DCN: variants seen among roughly 807,000 people sequenced by gnomAD.
DCN encodes bone proteoglycan II.
A neutral mutation model predicts 36.5 loss-of-function variants in DCN; 17 were observed. The ratio of observed to expected loss-of-function variants is 0.47; its 90% CI spans 0.32 to 0.70. The LOEUF is 0.70. Among genes scored for constraint, DCN ranks in the 30% least tolerant of loss-of-function variants. DCN has a pLI of 0.04. For missense variants in DCN, 389 were observed against 430.1 expected (o/e 0.90, Z 0.84); for synonymous variants, 163 against 161.4 (o/e 1.01, Z -0.07).
At chr12:91,177,000 A>G (rs1883335091) in intron 2 of DCN, 1 of 152,436 alleles carries the variant, frequency 6.6e-6, no homozygotes, top group South Asian at 2.1e-4. Context: ...TTCAAAAAGT[A>G]ATAGTCACCA....
chr12:91,155,685 T>C (rs1035948441), intron 5 of DCN, among the ~76,000 whole-genome samples: 5 of 152,158 alleles, frequency 3.3e-5, no homozygotes, highest in Admixed American at 6.5e-5. Context: ...ATCTGAGATA[T>C]AAATATTTCA....
rs771673142 is a variant in DCN, at chr12:91,157,115, G to A, written c.612C>T (p.Tyr204=). Residue 204 remains tyrosine, a synonymous_variant, in exon 5 of 8, where the codon TAC becomes TAT. Coordinates refer to ENST00000052754, the MANE Select transcript of DCN (RefSeq NM_001920.5). ...TGATATTGGTATCAGCAATGCGGATGTAGGAGAGCTTCTTCATTCCCTGGA... is the reference window on the plus strand; with the variant it reads ...TGATATTGGTATCAGCAATGCGGATATAGGAGAGCTTCTTCATTCCCTGGA... ...GAFQGMKKLS[Y]IRIADTNITS... 6.2e-7 allele frequency: 1 copy of A among 1,613,020 alleles called. No individual in the cohort carries two copies. Among genetic ancestry groups the A allele is most frequent in the Admixed American group, 1.7e-5 (1 of 60,002 alleles).
intron 7 of DCN, among the ~76,000 whole-genome samples, chr12:91,149,140 A>T (rs1044277537): frequency 2.0e-5 from 3 of 149,736 alleles, no homozygotes; most frequent in Non-Finnish European, 4.4e-5. Context: ...AATTCATCAT[A>T]AGAAAAAAAA....
chr12:91,156,622 GA>G (rs35872055), intron 5 of DCN, among the ~76,000 whole-genome samples: 35,304 of 149,132 alleles, frequency 0.24, 5,227 homozygotes, highest in Non-Finnish European at 0.32. Flanking sequence ...TCTTAAAAAG[GA>G]AAAAAAAATT....
chr12:91,181,833 G>A (rs974114406), intron 1 of DCN, among the ~76,000 whole-genome samples: 4 of 151,672 alleles, frequency 2.6e-5, no homozygotes, highest in Admixed American at 6.6e-5. Context: ...GAATAAAGGC[G>A]GCATTTATCC....
At chr12:91,167,530 C>T (rs1882654697) in intron 2 of DCN, among the ~76,000 whole-genome samples, 2 of 151,888 alleles carry the variant, frequency 1.3e-5, no homozygotes, top group South Asian at 4.1e-4. Flanking sequence ...CCATTTCCTG[C>T]CTTCACTTCC....
Position 91,151,557 on chromosome 12 carries a change from A to G in DCN, c.885+97T>C, listed in dbSNP as rs750953318. On this transcript the variant is annotated intron_variant, in intron 7 of 7. Coordinates refer to ENST00000052754, the MANE Select transcript of DCN (RefSeq NM_001920.5). ...CTAACTAAGACACTCTGGAAAAAAA[A>G]CTTCTAAGAAGAGCTTCCTGCTTCC... 13 of 1,443,556 alleles carry G rather than the reference A, an allele frequency of 9.0e-6. No individual in the cohort carries two copies. The South Asian group carries it at 9.5e-5, about 11-fold the overall frequency. The allele number at this position is 1,443,556 out of a possible 1,614,324, so 89.4% of individuals were successfully genotyped here. A position where few individuals can be genotyped will look rare whatever the true frequency, so the allele number is the denominator to read the frequency against.
In DCN at chr12:91,172,820, T is replaced by C. The variant is rs1194396627; in HGVS notation, c.211+5522A>G. 3 of 686,654 alleles carry C rather than the reference T, an allele frequency of 4.4e-6. No homozygotes were observed. The African/African-American group carries it at 5.3e-5, about 12-fold the overall frequency. 42.5% of individuals were successfully genotyped at this position (686,654 alleles called of 1,614,324 possible). ...AAAGAGTCTACAAAGTATAAGGCAG[T>C]TTGTTGTGTAGAGGTTGTACGAAGA... On this transcript the variant is annotated intron_variant, in intron 2 of 7. Coordinates refer to ENST00000052754, the MANE Select transcript of DCN (RefSeq NM_001920.5).
Position 91,171,385 on chromosome 12 carries a change from A to G in DCN, c.212-6668T>C, listed in dbSNP as rs566431880. ...AAATATGTAGATGATTATATTTTTC[A>G]AAGATGGCATACATTAAATTTTCTA... On this transcript the variant is annotated intron_variant, in intron 2 of 7. Transcript: ENST00000052754. 5.1e-4 allele frequency among the ~76,000 whole-genome samples: 77 copies of G among 152,202 alleles called. 1 individual carries two copies. The highest frequency in any genetic ancestry group is 7.6e-4 in the Non-Finnish European group (52 of 68,028).
At chr12:91,162,408 C>T (rs201553261) in intron 3 of DCN, among the ~76,000 whole-genome samples, 1 of 152,096 alleles carries the variant, frequency 6.6e-6, no homozygotes, top group Non-Finnish European at 1.5e-5. Context: ...ATTATAGTAA[C>T]TCTGTAATAA....
chr12:91,170,176 C>G (rs981230991), intron 2 of DCN, among the ~76,000 whole-genome samples: 7 of 152,008 alleles, frequency 4.6e-5, no homozygotes, highest in African/African-American at 1.7e-4. Flanking sequence ...AGCTATGCTA[C>G]AAAATAATCT....
At position 91,174,341 on chromosome 12, in the gene DCN, C is replaced by T. The variant is rs149244913; in HGVS notation, c.211+4001G>A. Among the ~76,000 whole-genome samples, 4 of 151,952 alleles carry T rather than the reference C, an allele frequency of 2.6e-5. No homozygotes were observed. In the East Asian group the frequency reaches 5.8e-4, roughly 22 times the overall value. ...TACTTATTAGAGACTCTTAATAAGTCTCTAATAAGACTCTAAATAAGTCTC... is the reference window on the plus strand; with the variant it reads ...TACTTATTAGAGACTCTTAATAAGTTTCTAATAAGACTCTAAATAAGTCTC... On this transcript the variant is annotated intron_variant, in intron 2 of 7. Coordinates refer to ENST00000052754, the MANE Select transcript of DCN (RefSeq NM_001920.5).
intron 4 of DCN, 146 bp from the exon 5 acceptor site, chr12:91,157,334 C>A: frequency 4.4e-6 from 3 of 675,914 alleles, no homozygotes; most frequent in South Asian, 1.7e-5. Context: ...AAAGAGCATG[C>A]TCCTCAGGAG....
At chr12:91,150,464 A>G (rs1881332485) in intron 7 of DCN, among the ~76,000 whole-genome samples, 1 of 152,208 alleles carries the variant, frequency 6.6e-6, no homozygotes, top group Non-Finnish European at 1.5e-5. Context: ...TATTCCTGGA[A>G]TCTACACAAA....
intron 3 of DCN, among the ~76,000 whole-genome samples, chr12:91,159,866 T>C (rs1243989053): frequency 1.4e-4 from 21 of 152,092 alleles, no homozygotes; most frequent in Non-Finnish European, 2.8e-4. Flanking sequence ...TAATTTTGCA[T>C]TTTCAATTAT....
chr12:91,157,222 A>T (rs1216232690), intron 4 of DCN, 34 bp from the exon 5 acceptor site: 1 of 1,447,136 alleles, frequency 6.9e-7, no homozygotes, highest in South Asian at 1.1e-5. Context: ...CTTTTAGAGG[A>T]AATTTTAGGA....
chr12:91,178,446 A>G lies in DCN; in HGVS notation c.107T>C (p.Ile36Thr), dbSNP rs746806929. 3.1e-6 allele frequency: 5 copies of G among 1,613,890 alleles called. No individual in the cohort carries two copies. In the South Asian group the frequency reaches 5.5e-5, roughly 18 times the overall value. The change falls in exon 2 of 8, where the codon ATA (isoleucine) becomes ACA (threonine). Residue 36 changes from isoleucine (I) to threonine (T), a missense_variant. Coordinates refer to ENST00000052754, the MANE Select transcript of DCN (RefSeq NM_001920.5). ...GCGGTCATCAGGAACTTCTGGGCCT[A>G]TCCCAGAAGCCTCATCTTCTAGCAT... ...DFMLEDEASG[I>T]GPEVPDDRDF...
chr12:91,171,932 T>C (rs1846001322), intron 2 of DCN, among the ~76,000 whole-genome samples: 1 of 152,032 alleles, frequency 6.6e-6, no homozygotes, highest in Non-Finnish European at 1.5e-5. Context: ...GTTTCCTACA[T>C]TTATTTTTCA....
At chr12:91,174,847 A>G (rs1256122338) in intron 2 of DCN, among the ~76,000 whole-genome samples, 3 of 152,112 alleles carry the variant, frequency 2.0e-5, no homozygotes, top group Admixed American at 2.0e-4. Flanking sequence ...AAAAGACAAT[A>G]CTTGTTCTTA....
Sources: allele counts gnomAD v4.1 joint callset (sites outside exome capture counted in the v4.1 genomes callset), GRCh38; gene constraint gnomAD v4.1.1; transcripts MANE v1.5; gene names NCBI Gene and HGNC (gene_info 2026-07-23, HGNC 2026-07-21).